RBMS1: variants seen among roughly 807,000 people sequenced by gnomAD.
RBMS1 encodes RNA-binding motif, single-stranded-interacting protein 1.
In RBMS1, 17 loss-of-function variants were observed where a neutral mutation model predicts 62.3. The ratio of observed to expected loss-of-function variants is 0.27; its 90% CI spans 0.19 to 0.41. The LOEUF (loss-of-function observed/expected upper bound fraction) is 0.41, where lower values mean the gene tolerates loss of function less well. Among genes scored for constraint, RBMS1 ranks in the 10% least tolerant of loss-of-function variants. The pLI is 1.00. For synonymous variants in RBMS1, 172 were observed against 170.0 expected, an observed-to-expected ratio of 1.01 and a Z score of -0.09; for missense variants, 334 against 504.5, an observed-to-expected ratio of 0.66 and a Z score of 3.24.
At chr2:160,283,638 A>G (rs1303418567) in intron 9 of RBMS1, 1 of 152,178 alleles carries the variant, frequency 6.6e-6, no homozygotes, top group Admixed American at 6.5e-5. Context: ...TAGTTATATG[A>G]CATTGCTTAT....
intron 1 of RBMS1, among the ~76,000 whole-genome samples, chr2:160,457,841 G>T (rs572095707): frequency 7.2e-5 from 11 of 152,152 alleles, no homozygotes; most frequent in Admixed American, 3.9e-4. Context: ...GCATTCTCGG[G>T]TGCAGCTCAC....
chr2:160,436,200 G>C (rs192224487), intron 1 of RBMS1, among the ~76,000 whole-genome samples: 86 of 152,322 alleles, frequency 5.6e-4, no homozygotes, highest in Non-Finnish European at 8.5e-4. Context: ...GGGCTGGCAT[G>C]GTGAGTGGCT....
intron 1 of RBMS1, among the ~76,000 whole-genome samples, chr2:160,458,271 G>A (rs368224047): frequency 4.3e-4 from 66 of 152,188 alleles, no homozygotes; most frequent in African/African-American, 1.5e-3. Flanking sequence ...GCCTAAAACT[G>A]TCAATATCTA....
At chr2:160,334,563 G>A (rs116159155) in intron 2 of RBMS1, among the ~76,000 whole-genome samples, 1,644 of 152,258 alleles carry the variant, frequency 0.011, 39 homozygotes, top group African/African-American at 0.035. Context: ...CCTCAGTAAC[G>A]AGTCTGAGTC....
At chr2:160,294,857 C>G (rs1261287837) in intron 6 of RBMS1, among the ~76,000 whole-genome samples, 1 of 152,050 alleles carries the variant, frequency 6.6e-6, no homozygotes, top group Non-Finnish European at 1.5e-5. Context: ...TGACCCCTGC[C>G]TGACAATATT....
chr2:160,364,367 C>A (rs1404941665), intron 2 of RBMS1, among the ~76,000 whole-genome samples: 1 of 152,220 alleles, frequency 6.6e-6, no homozygotes, highest in Admixed American at 6.5e-5. Flanking sequence ...TTAACTAGAG[C>A]TGGTTGACAT....
At chr2:160,457,119 T>A (rs895705327) in intron 1 of RBMS1, among the ~76,000 whole-genome samples, 21 of 110,160 alleles carry the variant, frequency 1.9e-4, no homozygotes, top group African/African-American at 4.9e-4. Flanking sequence ...TTTTTATTTA[T>A]TTAATTAATT....
At chr2:160,365,253 T>C (rs1033891072) in intron 2 of RBMS1, among the ~76,000 whole-genome samples, 25 of 152,240 alleles carry the variant, frequency 1.6e-4, no homozygotes, top group Non-Finnish European at 1.5e-5. Context: ...CTTCTGTTAT[T>C]GTTATGTTTT....
At chr2:160,333,442 G>T (rs1051415899) in intron 2 of RBMS1, among the ~76,000 whole-genome samples, 7 of 152,290 alleles carry the variant, frequency 4.6e-5, no homozygotes, top group Admixed American at 3.3e-4. Flanking sequence ...CACCAGGCCA[G>T]CCTGGGACCC....
At chr2:160,333,376 A>C (rs892703587) in intron 2 of RBMS1, among the ~76,000 whole-genome samples, 1 of 152,188 alleles carries the variant, frequency 6.6e-6, no homozygotes, top group African/African-American at 2.4e-5. Flanking sequence ...CCACTACTTA[A>C]CTGCTCAGAG....
At chr2:160,375,107 C>A (rs1393147049) in intron 1 of RBMS1, among the ~76,000 whole-genome samples, 1 of 152,156 alleles carries the variant, frequency 6.6e-6, no homozygotes. Context: ...CCAAAATACT[C>A]TAAAATTCTG....
rs1424387812 is a variant in RBMS1, at chr2:160,493,003, A to G, written c.75+286T>C. ...TCGGCGAGGGGCGCCGCTCGACCCC[A>G]CGACCCTCCCCGCTGGCCGGGCCAG... On this transcript the variant is annotated intron_variant, in intron 1 of 13. Transcript: ENST00000348849. 8.1e-6 allele frequency: 3 copies of G among 368,802 alleles called. No individual in the cohort carries two copies. The East Asian group carries it at 1.4e-4, about 18-fold the overall frequency. 22.8% of individuals were successfully genotyped at this position (368,802 alleles called of 1,614,324 possible). A position where few individuals can be genotyped will look rare whatever the true frequency, so the allele number is the denominator to read the frequency against.
intron 1 of RBMS1, among the ~76,000 whole-genome samples, chr2:160,456,962 A>AT (rs397700020): frequency 6.6e-6 from 1 of 151,058 alleles, no homozygotes; most frequent in Non-Finnish European, 1.5e-5. Context: ...ACAACAAAAA[A>AT]CCTGGCACTT....
intron 6 of RBMS1, among the ~76,000 whole-genome samples, chr2:160,292,408 CTT>C (rs1262202040): frequency 6.6e-6 from 1 of 152,184 alleles, no homozygotes. Flanking sequence ...GGCTCCTCCT[CTT>C]GTTTTCAAAT....
chr2:160,402,476 G>A (rs946015825), intron 1 of RBMS1, among the ~76,000 whole-genome samples: 5 of 152,306 alleles, frequency 3.3e-5, no homozygotes, highest in African/African-American at 1.2e-4. Context: ...CAAAAATGCA[G>A]TGTGATGAAA....
intron 1 of RBMS1, among the ~76,000 whole-genome samples, chr2:160,485,157 G>A (rs1381890409): frequency 6.6e-6 from 1 of 152,116 alleles, no homozygotes; most frequent in African/African-American, 2.4e-5. Flanking sequence ...TTATCTCTGA[G>A]GCCAGCACAA....
At chr2:160,435,563 T>C (rs1683075513) in intron 1 of RBMS1, among the ~76,000 whole-genome samples, 2 of 152,226 alleles carry the variant, frequency 1.3e-5, no homozygotes, top group East Asian at 1.9e-4. Context: ...TTTTATATTG[T>C]CCAAGCCTTA....
intron 3 of RBMS1, among the ~76,000 whole-genome samples, chr2:160,316,529 A>G (rs950361267): frequency 1.4e-5 from 2 of 145,036 alleles, no homozygotes; most frequent in Non-Finnish European, 3.1e-5. Flanking sequence ...TTGTGACAAC[A>G]TGTTAGATTT....
intron 1 of RBMS1, among the ~76,000 whole-genome samples, chr2:160,369,703 G>A (rs1276770910): frequency 6.6e-6 from 1 of 152,144 alleles, no homozygotes; most frequent in Non-Finnish European, 1.5e-5. Flanking sequence ...GATCAGGCCC[G>A]CCCCTACCTC....
Sources: allele counts gnomAD v4.1 joint callset (sites outside exome capture counted in the v4.1 genomes callset), GRCh38; gene constraint gnomAD v4.1.1; transcripts MANE v1.5; gene names NCBI Gene and HGNC (gene_info 2026-07-23, HGNC 2026-07-21).